The following TLR6 variants were observed in gnomAD, a reference collection of about 807,000 sequenced individuals.
TLR6 encodes toll like receptor 6, also known as toll-like receptor 6.
Under a neutral mutation model 16.1 loss-of-function variants are expected in TLR6, and 9 were observed. That is an observed-to-expected ratio of 0.56 (90% CI 0.34 to 0.98). The LOEUF (loss-of-function observed/expected upper bound fraction) is 0.98, where lower values mean the gene tolerates loss of function less well. Ranked by LOEUF, TLR6 falls within the 50% of genes least tolerant of loss-of-function variation. The pLI is 0.02. For missense variants in TLR6, 786 were observed against 921.0 expected, an observed-to-expected ratio of 0.85 and a Z score of 1.90; for synonymous variants, 340 against 338.6, an observed-to-expected ratio of 1.00 and a Z score of -0.04.
chr4:38,832,272 T>A (rs1399154272), intron 1 of TLR6, among the ~76,000 whole-genome samples: 2 of 152,126 alleles, frequency 1.3e-5, no homozygotes, highest in Admixed American at 1.3e-4. Context: ...ACACATTGAA[T>A]GAGCATCTAA....
chr4:38,858,808 A>AGG (rs1713107529), upstream of TLR6, among the ~76,000 whole-genome samples: 1 of 105,790 alleles, frequency 9.5e-6, no homozygotes, highest in Non-Finnish European at 2.0e-5. Flanking sequence ...AGAGAGAGAG[A>AGG]GAGAGGGAGA....
At chr4:38,836,642 C>T (rs1043177020) in intron 1 of TLR6, among the ~76,000 whole-genome samples, 10 of 152,080 alleles carry the variant, frequency 6.6e-5, no homozygotes, top group Admixed American at 4.6e-4. Context: ...TTTCCTGATA[C>T]CAAAACCAGA....
chr4:38,857,256 TG>T (rs994427437), upstream of TLR6, among the ~76,000 whole-genome samples: 3 of 152,180 alleles, frequency 2.0e-5, no homozygotes, highest in African/African-American at 7.2e-5. Flanking sequence ...TTCCACAATT[TG>T]GGTTTTTTTT....
At chr4:38,861,399 T>C (rs373706749), upstream of TLR6, among the ~76,000 whole-genome samples, 30 of 152,248 alleles carry the variant, frequency 2.0e-4, no homozygotes, top group South Asian at 6.0e-3. Flanking sequence ...ACCCCCTCCA[T>C]AATCTCAGTT....
intron 1 of TLR6, among the ~76,000 whole-genome samples, chr4:38,835,490 AAG>A (rs1383533796): frequency 3.9e-5 from 6 of 152,256 alleles, no homozygotes; most frequent in African/African-American, 1.4e-4. Context: ...ATTAGATCAA[AAG>A]AGAGAGATAG....
chr4:38,867,590 T>A, the TLR6 span: 1 of 151,416 alleles, frequency 6.6e-6, no homozygotes, highest in East Asian at 2.0e-4. Flanking sequence ...CGGCGCGCTC[T>A]GGCTTTCCGC....
intron 1 of TLR6, among the ~76,000 whole-genome samples, chr4:38,837,437 A>G (rs1393673935): frequency 6.6e-6 from 1 of 152,208 alleles, no homozygotes; most frequent in Non-Finnish European, 1.5e-5. Flanking sequence ...TTTACAGCCA[A>G]TCAATTTTCA....
At chr4:38,861,304 T>C (rs1469718316), upstream of TLR6, among the ~76,000 whole-genome samples, 8 of 152,142 alleles carry the variant, frequency 5.3e-5, no homozygotes, top group Admixed American at 5.2e-4. Flanking sequence ...TTGGACATTC[T>C]CTCTTCTAAT....
the TLR6 span, chr4:38,868,121 A>G: frequency 5.3e-4 from 139 of 260,718 alleles, 1 homozygote; most frequent in Admixed American, 2.3e-3. Context: ...ACACGCCCAC[A>G]CTCAGGGTCT....
chr4:38,848,146 C>T (rs527976677), intron 1 of TLR6, among the ~76,000 whole-genome samples: 183 of 152,348 alleles, frequency 1.2e-3, no homozygotes, highest in African/African-American at 4.3e-3. Context: ...GTTCTGCAGC[C>T]TCCGCTGCTG....
intron 1 of TLR6, among the ~76,000 whole-genome samples, chr4:38,848,743 GAAAC>G: frequency 6.6e-6 from 1 of 152,306 alleles, no homozygotes; most frequent in South Asian, 2.1e-4. Flanking sequence ...AGAGTAAAAA[GAAAC>G]AAACAAAGCC....
At chr4:38,851,405 A>G (rs1248976127) in intron 1 of TLR6, among the ~76,000 whole-genome samples, 28 of 152,202 alleles carry the variant, frequency 1.8e-4, no homozygotes, top group Admixed American at 1.8e-3. Context: ...GGCAAAAGAA[A>G]GAAATAAAGG....
upstream of TLR6, among the ~76,000 whole-genome samples, chr4:38,860,926 G>C (rs1437276120): frequency 1.3e-5 from 2 of 152,140 alleles, no homozygotes; most frequent in Non-Finnish European, 2.9e-5. Context: ...GAGGGGCCGG[G>C]CATACGTTTT....
Position 38,853,403 on chromosome 4 carries a change from A to T in TLR6, c.-65+3358T>A, listed in dbSNP as rs533601034. 7.2e-5 allele frequency among the ~76,000 whole-genome samples: 11 copies of T among 152,168 alleles called. No homozygotes were observed. The East Asian group carries it at 1.2e-3, about 16-fold the overall frequency. On this transcript the variant is annotated intron_variant, in intron 1 of 1. Transcript: ENST00000436693. ...ATAATAAAAAAAAAAGAATGCACACATTGTTCTTTCCGGAAGTTTTAACCA... is the reference window on the plus strand; with the variant it reads ...ATAATAAAAAAAAAAGAATGCACACTTTGTTCTTTCCGGAAGTTTTAACCA...
upstream of TLR6, among the ~76,000 whole-genome samples, chr4:38,860,541 A>G (rs1341955411): frequency 1.3e-5 from 2 of 152,076 alleles, no homozygotes; most frequent in Admixed American, 1.3e-4. Flanking sequence ...GAATTAAAAA[A>G]AAAAAAAAAA....
At chr4:38,854,192 G>A (rs906210709) in intron 1 of TLR6, among the ~76,000 whole-genome samples, 5 of 152,048 alleles carry the variant, frequency 3.3e-5, no homozygotes, top group African/African-American at 7.2e-5. Flanking sequence ...AAAACAGCAC[G>A]TTAAATCAAA....
chr4:38,835,272 G>C (rs779880134), intron 1 of TLR6, among the ~76,000 whole-genome samples: 6 of 151,730 alleles, frequency 4.0e-5, no homozygotes, highest in African/African-American at 1.2e-4. Context: ...TGAAGGAAAG[G>C]AAAAAGATAT....
At chr4:38,858,836 AAAG>A (rs1713117374), upstream of TLR6, among the ~76,000 whole-genome samples, 1 of 36,384 alleles carries the variant, frequency 2.7e-5, no homozygotes, top group Non-Finnish European at 7.1e-5. Context: ...AGAGAGGAAG[AAAG>A]AAAGAAAGAA....
upstream of TLR6, among the ~76,000 whole-genome samples, chr4:38,859,163 T>A (rs1486383065): frequency 6.6e-6 from 1 of 152,248 alleles, no homozygotes; most frequent in Non-Finnish European, 1.5e-5. Flanking sequence ...CCAGTGCCTA[T>A]GCACTTAAGC....
Sources: allele counts gnomAD v4.1 joint callset (sites outside exome capture counted in the v4.1 genomes callset), GRCh38; gene constraint gnomAD v4.1.1; transcripts MANE v1.5; gene names NCBI Gene and HGNC (gene_info 2026-07-23, HGNC 2026-07-21).